The following GRIN2C variants were observed in gnomAD, a reference collection of about 807,000 sequenced individuals.
GRIN2C encodes glutamate ionotropic receptor NMDA type subunit 2C.
In GRIN2C, 64 loss-of-function variants were observed where a neutral mutation model predicts 77.7. The ratio of observed to expected loss-of-function variants is 0.82; its 90% CI spans 0.67 to 1.01. The LOEUF is 1.01. Ranked by LOEUF, GRIN2C falls within the 50% of genes least tolerant of loss-of-function variation. GRIN2C has a pLI of 0.00. For synonymous variants in GRIN2C, 792 were observed against 643.4 expected (o/e 1.23, Z -3.49); for missense variants, 1,549 against 1,486.0 (o/e 1.04, Z -0.70).
At position 74,843,202 on chromosome 17, in the gene GRIN2C, C is replaced by G; in HGVS notation, c.2935G>C (p.Gly979Arg). 4.5e-6 allele frequency: 2 copies of G among 446,618 alleles called. No individual in the cohort carries two copies. Among genetic ancestry groups the G allele is most frequent in the Non-Finnish European group, 7.4e-6 (2 of 270,404 alleles). The allele number at this position is 446,618 out of a possible 1,614,324, so 27.7% of individuals were successfully genotyped here. Residue 979 changes from glycine to arginine, a missense_variant, in exon 13 of 13, where the codon GGC becomes CGC. Coordinates refer to ENST00000293190, the MANE Select transcript of GRIN2C (RefSeq NM_000835.6). Reference protein sequence around the residue: ...ALVRRAPQPPGRPPTPGPPLS... With the variant: ...ALVRRAPQPPRRPPTPGPPLS... ...GGCGGCCCCGGCGTCGGGGGGCGGCCCGGGGGCTGCGGAGCCCTGCGCACA... is the reference window on the plus strand; with the variant it reads ...GGCGGCCCCGGCGTCGGGGGGCGGCGCGGGGGCTGCGGAGCCCTGCGCACA...
intron 2 of GRIN2C, chr17:74,853,461 T>TA (rs1311989754): frequency 6.6e-6 from 1 of 152,184 alleles, no homozygotes; most frequent in Non-Finnish European, 1.5e-5. Context: ...AATAAACACT[T>TA]ATGACAGTTA....
rs540911221 is a variant in GRIN2C, at chr17:74,849,258, C to T, written c.1645+522G>A. The stretch of plus-strand genomic sequence containing the variant: ...CAGCCTCAGCTCTTCCCCTGCCCCT[C>T]GCCTGTCTTCACAGCTCTCTGCCAC... On this transcript the variant is annotated intron_variant, in intron 7 of 12. Transcript: ENST00000293190. This position sits in a 1 kb window ranked among gnomAD's most constrained non-coding sequence, Gnocchi z 4.6. Among the ~76,000 whole-genome samples, 6 of 152,286 alleles carry T rather than the reference C, an allele frequency of 3.9e-5. No individual in the cohort carries two copies. The South Asian group carries it at 8.3e-4, about 21-fold the overall frequency.
Position 74,851,642 on chromosome 17 carries a change from C to T in GRIN2C, c.1048G>A (p.Gly350Ser). The T allele has an allele frequency of 5.7e-6, 9 of 1,575,134 alleles. No homozygotes were observed. Among genetic ancestry groups the T allele is most frequent in the Non-Finnish European group, 7.8e-6 (9 of 1,159,546 alleles). Residue 350 changes from glycine to serine, a missense_variant, in exon 4 of 13, where the codon GGT (glycine) becomes AGT (serine). Around this residue, in one of 3 missense-constraint regions of GRIN2C, gnomAD observed 717 missense variants for 858.1 expected, o/e 0.84. Coordinates refer to ENST00000293190, the MANE Select transcript of GRIN2C (RefSeq NM_000835.6). ...WEGRDFSFSP[G>S]GYLVQPTMVV... ...ATGGTGGGCTGGACCAGGTACCCACCAGGGCTGAAGGAGAAGTCTCGGCCC... is the reference window on the plus strand; with the variant it reads ...ATGGTGGGCTGGACCAGGTACCCACTAGGGCTGAAGGAGAAGTCTCGGCCC...
chr17:74,851,170 C>T, intron 4 of GRIN2C: 1 of 311,842 alleles, frequency 3.2e-6, no homozygotes, highest in Non-Finnish European at 6.0e-6. Context: ...GACCTCTTTC[C>T]CAGTTTCCTC....
At chr17:74,853,929 T>G (rs1339415503) in intron 2 of GRIN2C, 1 of 152,228 alleles carries the variant, frequency 6.6e-6, no homozygotes, top group East Asian at 1.9e-4. Flanking sequence ...GCTCACTTGC[T>G]TAGGGAAAAG....
chr17:74,842,987 C>T lies in GRIN2C; in HGVS notation c.3150G>A (p.Glu1050=). 2.2e-6 allele frequency: 1 copy of T among 447,846 alleles called. No individual in the cohort carries two copies. Among genetic ancestry groups the T allele is most frequent in the Non-Finnish European group, 3.8e-6 (1 of 263,706 alleles). 27.7% of individuals were successfully genotyped at this position (447,846 alleles called of 1,614,324 possible). A position where few individuals can be genotyped will look rare whatever the true frequency, so the allele number is the denominator to read the frequency against. The part of the protein sequence containing the change: ...RPFLPLFPEL[E]DLPLLGPEQL... ...GCTCCGGACCGAGCAGCGGCAGGTC[C>T]TCCAGCTCCGGGAAGAGCGGGAGGA... The change falls in exon 13 of 13, where the codon GAG becomes GAA. Residue 1050 remains glutamate, a synonymous_variant. Transcript: ENST00000293190.
chr17:74,842,380 C>T lies in GRIN2C; in HGVS notation c.*55G>A. 1 of 738,640 alleles carries T rather than the reference C, an allele frequency of 1.4e-6. No individual in the cohort carries two copies. 45.8% of individuals were successfully genotyped at this position (738,640 alleles called of 1,614,324 possible). The stretch of plus-strand genomic sequence containing the variant: ...AGCCCAATCCTGCCTGCCGCTTAAC[C>T]CTGACAGTGGCAGGCAGAGAATCCA... On this transcript the variant is annotated 3_prime_UTR_variant, in exon 13 of 13. Coordinates refer to ENST00000293190, the MANE Select transcript of GRIN2C (RefSeq NM_000835.6).
chr17:74,858,866 G>T (rs1028395324), intron 1 of GRIN2C, among the ~76,000 whole-genome samples: 4 of 151,962 alleles, frequency 2.6e-5, no homozygotes, highest in African/African-American at 9.7e-5. Context: ...GCATCCCCCA[G>T]GCTGGAATGT....
chr17:74,852,507 G>A lies in GRIN2C; in HGVS notation c.504C>T (p.Ile168=). Reference sequence around the variant, plus strand: ...GCGCGTGGCCCGGGTGCAGGCTGGTGATGACGGCGAAGGCGCTCCAGTCGT... The same window carrying A: ...GCGCGTGGCCCGGGTGCAGGCTGGTAATGACGGCGAAGGCGCTCCAGTCGT... ...EEYDWSAFAV[I]TSLHPGHALF... is the part of the protein sequence containing the mutation. Residue 168 remains isoleucine, a synonymous_variant, in exon 3 of 13, where the codon ATC becomes ATT. Coordinates refer to ENST00000293190, the MANE Select transcript of GRIN2C (RefSeq NM_000835.6). The A allele has an allele frequency of 6.4e-7, 1 of 1,569,988 alleles. No individual in the cohort carries two copies. The highest frequency in any genetic ancestry group is 8.6e-7 in the Non-Finnish European group (1 of 1,166,390).
chr17:74,858,221 G>T (rs1290803764), intron 1 of GRIN2C, among the ~76,000 whole-genome samples: 3 of 152,072 alleles, frequency 2.0e-5, no homozygotes, highest in Non-Finnish European at 4.4e-5. Context: ...TCATTCACAT[G>T]AAGGAATAAG....
Position 74,842,882 on chromosome 17 carries a change from G to C in GRIN2C, c.3255C>G (p.Ser1085=). 1.8e-6 allele frequency: 1 copy of C among 560,418 alleles called. No homozygotes were observed. Among genetic ancestry groups the C allele is most frequent in the Non-Finnish European group, 3.1e-6 (1 of 324,454 alleles). 34.7% of individuals were successfully genotyped at this position (560,418 alleles called of 1,614,324 possible). The change falls in exon 13 of 13, where the codon TCC becomes TCG. Residue 1085 remains serine, a synonymous_variant. Transcript: ENST00000293190. The part of the protein sequence containing the change: ...SRPRHASLPS[S]VAEAFARPSS... ...TGGGCCGAGCGAAGGCCTCGGCCAC[G>C]GAGCTGGGCAGGGAAGCGTGACGCG...
At position 74,852,293 on chromosome 17, in the gene GRIN2C, C is replaced by A; in HGVS notation, c.718G>T (p.Ala240Ser). 1 of 1,426,588 alleles carries A rather than the reference C, an allele frequency of 7.0e-7. No individual in the cohort carries two copies. The highest frequency in any genetic ancestry group is 9.1e-7 in the Non-Finnish European group (1 of 1,097,234). The allele number at this position is 1,426,588 out of a possible 1,614,324, so 88.4% of individuals were successfully genotyped here. A position where few individuals can be genotyped will look rare whatever the true frequency, so the allele number is the denominator to read the frequency against. Residue 240 changes from alanine to serine, a missense_variant, in exon 3 of 13, where the codon GCG (alanine) becomes TCG (serine). Physicochemically the swap from Ala to Ser is moderately conservative, Grantham distance 99. Transcript: ENST00000293190. ...REEAEVLFAE[A>S]AQAGLVGPGH... Reference sequence around the variant, plus strand: ...GGCCCCACCAGACCGGCCTGCGCCGCCTCGGCGAAGAGCACCTCGGCCTCC... The same window carrying A: ...GGCCCCACCAGACCGGCCTGCGCCGACTCGGCGAAGAGCACCTCGGCCTCC...
At chr17:74,858,584 C>G (rs1403746350) in intron 1 of GRIN2C, among the ~76,000 whole-genome samples, 16 of 148,802 alleles carry the variant, frequency 1.1e-4, no homozygotes, top group Non-Finnish European at 2.1e-4. Flanking sequence ...CCGCCACAAT[C>G]TCCTCCCTTG....
At position 74,850,185 on chromosome 17, in the gene GRIN2C, A is replaced by T; in HGVS notation, c.1491+21T>A. On this transcript the variant is annotated intron_variant, in intron 6 of 12. Coordinates refer to ENST00000293190, the MANE Select transcript of GRIN2C (RefSeq NM_000835.6). The surrounding 1 kb of genome is among the most constrained non-coding windows in gnomAD (Gnocchi z 5.3). ...AGGTGGGCAGGCAGGGCAGGTGAGG[A>T]GGGAGTGGGGTGGGGCCTACCTCCC... 3 of 1,611,736 alleles carry T rather than the reference A, an allele frequency of 1.9e-6. No individual in the cohort carries two copies. The African/African-American group carries it at 4.0e-5, about 21-fold the overall frequency.
rs765344638 is a variant in GRIN2C, at chr17:74,844,329, G to T, written c.2530C>A (p.Arg844Ser). The T allele has an allele frequency of 1.2e-6, 2 of 1,614,082 alleles. No homozygotes were observed. The highest frequency in any genetic ancestry group is 3.3e-5 in the Admixed American group (2 of 60,018). Reference protein sequence around the residue: ...AWEHLVYWKLRHSVPNSSQLD... With the variant: ...AWEHLVYWKLSHSVPNSSQLD... Reference sequence around the variant, plus strand: ...TGGGATGAGTTGGGCACCGAGTGGCGCAGCTTCCAGTAGACCAGGTGCTCC... The same window carrying T: ...TGGGATGAGTTGGGCACCGAGTGGCTCAGCTTCCAGTAGACCAGGTGCTCC... The change falls in exon 12 of 13, where the codon CGC becomes AGC. Residue 844 changes from arginine (R) to serine (S), a missense_variant. Around this residue, in one of 3 missense-constraint regions of GRIN2C, gnomAD observed 717 missense variants for 858.1 expected, o/e 0.84. Coordinates refer to ENST00000293190, the MANE Select transcript of GRIN2C (RefSeq NM_000835.6).
chr17:74,860,424 T>C (rs1299273548), upstream of GRIN2C: 3 of 456,572 alleles, frequency 6.6e-6, no homozygotes, highest in African/African-American at 6.0e-5. Context: ...CATCAGGGCC[T>C]GGCGGGAATT....
intron 1 of GRIN2C, among the ~76,000 whole-genome samples, chr17:74,855,618 G>A (rs2037798693): frequency 6.6e-6 from 1 of 152,242 alleles, no homozygotes; most frequent in South Asian, 2.1e-4. Flanking sequence ...TATTTGCTGG[G>A]ATTAGTGACC....
Position 74,843,570 on chromosome 17 carries a change from C to A in GRIN2C, c.2584-17G>T. The A allele has an allele frequency of 2.0e-6, 3 of 1,531,102 alleles. No individual in the cohort carries two copies. The highest frequency in any genetic ancestry group is 2.6e-6 in the Non-Finnish European group (3 of 1,145,736). 94.8% of individuals were successfully genotyped at this position (1,531,102 alleles called of 1,614,324 possible). A position where few individuals can be genotyped will look rare whatever the true frequency, so the allele number is the denominator to read the frequency against. On this transcript the variant is annotated splice_polypyrimidine_tract_variant and intron_variant, in intron 12 of 12. Coordinates refer to ENST00000293190, the MANE Select transcript of GRIN2C (RefSeq NM_000835.6). ...GTAGATGCCCTGGGCAGTAGGGAGACGACAGGCCGTAAGCAGCGCCCTCCG... is the reference window on the plus strand; with the variant it reads ...GTAGATGCCCTGGGCAGTAGGGAGAAGACAGGCCGTAAGCAGCGCCCTCCG...
chr17:74,855,736 T>G lies in GRIN2C; in HGVS notation c.-15-629A>C, dbSNP rs188238563. The stretch of plus-strand genomic sequence containing the variant: ...TCCTCCTCATAGTCTAAACCGGATC[T>G]TCCATCTGTCTCTCACCAGGGCCTG... On this transcript the variant is annotated intron_variant, in intron 1 of 12. Coordinates refer to ENST00000293190, the MANE Select transcript of GRIN2C (RefSeq NM_000835.6). Among the ~76,000 whole-genome samples, 189 of 151,164 alleles carry G rather than the reference T, an allele frequency of 1.3e-3. 1 individual carries two copies. Among genetic ancestry groups the G allele is most frequent in the Non-Finnish European group, 9.9e-4 (67 of 67,874 alleles).
Sources: allele counts gnomAD v4.1 joint callset (sites outside exome capture counted in the v4.1 genomes callset), GRCh38; gene constraint gnomAD v4.1.1; regional missense constraint gnomAD v4.1.1; non-coding constraint Gnocchi (gnomAD v3.1); transcripts MANE v1.5; gene names NCBI Gene and HGNC (gene_info 2026-07-23, HGNC 2026-07-21).